CHODL: variants seen among roughly 807,000 people sequenced by gnomAD.
The protein encoded by CHODL is transmembrane protein MT75.
CHODL carries 29 observed loss-of-function variants against 34.5 expected under a neutral mutation model. The ratio of observed to expected loss-of-function variants is 0.84; its 90% CI spans 0.63 to 1.15. The LOEUF is 1.15. Among genes scored for constraint, CHODL ranks in the 50% most tolerant of loss-of-function variants. The pLI is 0.00. For synonymous variants in CHODL, 125 were observed against 116.1 expected (o/e 1.08, Z -0.49); for missense variants, 332 against 332.5 (o/e 1.00, Z 0.01).
chr21:18,237,426 C>T (rs11909891), intron 2 of CHODL, among the ~76,000 whole-genome samples: 3,767 of 152,142 alleles, frequency 0.025, 155 homozygotes, highest in African/African-American at 0.087. Flanking sequence ...TCTTGAAAAC[C>T]TCCCCCTTTG....
intron 2 of CHODL, among the ~76,000 whole-genome samples, chr21:18,188,635 G>T (rs1221808464): frequency 6.6e-6 from 1 of 152,190 alleles, no homozygotes; most frequent in African/African-American, 2.4e-5. Context: ...GGGATATGTT[G>T]ACGTTTTGGT....
chr21:18,250,261 CACAATG>C (rs2074218655), intron 1 of CHODL, among the ~76,000 whole-genome samples: 1 of 151,960 alleles, frequency 6.6e-6, no homozygotes, highest in African/African-American at 2.4e-5. Flanking sequence ...ACTCTTAAGT[CACAATG>C]ATACTTGGTT....
intron 2 of CHODL, among the ~76,000 whole-genome samples, chr21:18,092,252 T>C (rs987274272): frequency 3.3e-5 from 5 of 152,220 alleles, no homozygotes; most frequent in African/African-American, 4.8e-5. Context: ...TTGAGTCTTA[T>C]GCAAGACCAC....
intron 2 of CHODL, among the ~76,000 whole-genome samples, chr21:18,202,228 T>C (rs544791020): frequency 6.6e-6 from 1 of 152,244 alleles, no homozygotes; most frequent in Non-Finnish European, 1.5e-5. Context: ...AAATTAATCA[T>C]TTAATACATT....
chr21:17,924,628 CATT>C lies in CHODL; in HGVS notation c.-145+7231_-145+7233del, dbSNP rs547901320. On this transcript the variant is annotated intron_variant, in intron 1 of 6. Transcript: ENST00000400127. ...AAGTTTTAACTTGAAATGAGATTGT[CATT>C]ATACAATTAGTCGGGACTGTTCTGA... Among the ~76,000 whole-genome samples the C allele has an allele frequency of 4.0e-4, 61 of 152,332 alleles. 1 individual carries two copies. In the South Asian group the frequency reaches 0.013, roughly 32 times the overall value.
chr21:18,042,051 A>G (rs977465123), intron 2 of CHODL, among the ~76,000 whole-genome samples: 1 of 151,912 alleles, frequency 6.6e-6, no homozygotes, highest in African/African-American at 2.4e-5. Context: ...AGCTTATCAC[A>G]TGAGCTGATG....
rs533723758 is a variant in CHODL, at chr21:18,245,824, C to T, written c.79+522C>T. The T allele has an allele frequency of 5.9e-6, 7 of 1,180,650 alleles. 1 individual carries two copies. The South Asian group carries it at 9.6e-5, about 16-fold the overall frequency. 73.1% of individuals were successfully genotyped at this position (1,180,650 alleles called of 1,614,324 possible). A position where few individuals can be genotyped will look rare whatever the true frequency, so the allele number is the denominator to read the frequency against. The stretch of plus-strand genomic sequence containing the variant: ...CATTCGGTCTTTGTTCTCAGCAGGA[C>T]TACTGGCAAGGAACTGAAGTGTGGT... On this transcript the variant is annotated intron_variant, in intron 1 of 5. Coordinates refer to ENST00000299295, the MANE Select transcript of CHODL (RefSeq NM_024944.3).
chr21:18,248,009 C>CT (rs3077959), intron 1 of CHODL, among the ~76,000 whole-genome samples: 1,592 of 144,164 alleles, frequency 0.011, 24 homozygotes, highest in African/African-American at 0.036. Context: ...TAATGTGTTT[C>CT]TTTTTTTTTT....
intron 2 of CHODL, among the ~76,000 whole-genome samples, chr21:18,090,518 T>C (rs2065059702): frequency 6.6e-6 from 1 of 152,028 alleles, no homozygotes; most frequent in African/African-American, 2.4e-5. Flanking sequence ...TAAAAAATAT[T>C]TCAGTTGAGA....
At chr21:18,006,265 TACC>T (rs961223271) in intron 1 of CHODL, among the ~76,000 whole-genome samples, 4 of 151,326 alleles carry the variant, frequency 2.6e-5, no homozygotes, top group African/African-American at 9.7e-5. Context: ...CTGGGCTTAA[TACC>T]AAGATGATGG....
chr21:17,971,681 A>C (rs2063615941), intron 1 of CHODL, among the ~76,000 whole-genome samples: 1 of 152,184 alleles, frequency 6.6e-6, no homozygotes, highest in South Asian at 2.1e-4. Context: ...AGCCAAAAAA[A>C]GCCCAGGACC....
chr21:18,261,591 T>C (rs1163081762), intron 4 of CHODL, among the ~76,000 whole-genome samples: 1 of 151,918 alleles, frequency 6.6e-6, no homozygotes, highest in Non-Finnish European at 1.5e-5. Context: ...CACTGGAAAC[T>C]GGGAGGCAGA....
At chr21:17,984,993 T>C (rs1243089684) in intron 1 of CHODL, among the ~76,000 whole-genome samples, 1 of 152,140 alleles carries the variant, frequency 6.6e-6, no homozygotes, top group African/African-American at 2.4e-5. Context: ...CATCTTAATA[T>C]CTCAATAAGG....
intron 2 of CHODL, among the ~76,000 whole-genome samples, chr21:18,191,689 G>A (rs1415486735): frequency 2.0e-5 from 3 of 152,178 alleles, no homozygotes; most frequent in African/African-American, 7.2e-5. Flanking sequence ...TTAAGTCAAA[G>A]AAGTCAGAGT....
At chr21:17,984,073 T>C (rs1019493356) in intron 1 of CHODL, among the ~76,000 whole-genome samples, 1 of 152,190 alleles carries the variant, frequency 6.6e-6, no homozygotes, top group African/African-American at 2.4e-5. Context: ...CACTGAACAA[T>C]AATCCCCCAT....
chr21:18,020,269 T>G (rs566093382), intron 1 of CHODL, among the ~76,000 whole-genome samples: 2 of 152,298 alleles, frequency 1.3e-5, no homozygotes, highest in East Asian at 3.9e-4. Context: ...ATCTAGGGCA[T>G]CAATCTGCAT....
At chr21:18,239,814 A>AC (rs939467102) in intron 2 of CHODL, among the ~76,000 whole-genome samples, 1 of 151,968 alleles carries the variant, frequency 6.6e-6, no homozygotes, top group African/African-American at 2.4e-5. Flanking sequence ...TTTATTAGTC[A>AC]AAGGACCATA....
At chr21:18,067,044 G>A (rs1555859899) in intron 2 of CHODL, among the ~76,000 whole-genome samples, 1 of 152,158 alleles carries the variant, frequency 6.6e-6, no homozygotes, top group Non-Finnish European at 1.5e-5. Context: ...CAGCTCTAGT[G>A]AACTAATACA....
intron 2 of CHODL, among the ~76,000 whole-genome samples, chr21:18,121,089 A>G (rs2065473451): frequency 6.6e-6 from 1 of 151,978 alleles, no homozygotes; most frequent in Non-Finnish European, 1.5e-5. Context: ...TTTCATCTCA[A>G]ACTCATACTT....
Sources: allele counts gnomAD v4.1 joint callset (sites outside exome capture counted in the v4.1 genomes callset), GRCh38; gene constraint gnomAD v4.1.1; transcripts MANE v1.5; gene names NCBI Gene and HGNC (gene_info 2026-07-23, HGNC 2026-07-21).